Variants in ATAD2B observed in about 807,000 individuals in gnomAD.
ATAD2B encodes the protein ATPase family AAA domain-containing protein 2B.
Under a neutral mutation model 167.6 loss-of-function variants are expected in ATAD2B, and 40 were observed. The observed-to-expected ratio is 0.24, with a 90% CI of 0.19 to 0.31. The LOEUF (loss-of-function observed/expected upper bound fraction) is 0.31, where lower values mean the gene tolerates loss of function less well. Ranked by LOEUF, ATAD2B falls within the 10% of genes least tolerant of loss-of-function variation. ATAD2B has a pLI of 1.00. For synonymous variants in ATAD2B, 579 were observed against 596.5 expected (o/e 0.97, Z 0.43); for missense variants, 1,242 against 1,757.2 (o/e 0.71, Z 5.24).
intron 1 of ATAD2B, among the ~76,000 whole-genome samples, chr2:23,922,624 ATT>A (rs1410206550): frequency 6.6e-6 from 1 of 150,716 alleles, no homozygotes; most frequent in Non-Finnish European, 1.5e-5. Flanking sequence ...GGAAGAAAAC[ATT>A]TTTTAATGGG....
chr2:23,722,645 G>A, the ATAD2B span, among the ~76,000 whole-genome samples: 1 of 152,122 alleles, frequency 6.6e-6, no homozygotes, highest in Non-Finnish European at 1.5e-5. Flanking sequence ...GAAAAGTTGA[G>A]TAAAATGTAT....
chr2:23,687,228 G>A, the ATAD2B span, among the ~76,000 whole-genome samples: 31 of 151,888 alleles, frequency 2.0e-4, no homozygotes, highest in East Asian at 6.1e-3. Context: ...GACCTCCGTG[G>A]GGATCAACAT....
At position 23,895,988 on chromosome 2, in the gene ATAD2B, A is replaced by C; in HGVS notation, c.217-18T>G. The C allele has an allele frequency of 6.3e-7, 1 of 1,594,658 alleles. No homozygotes were observed. Among genetic ancestry groups the C allele is most frequent in the Non-Finnish European group, 8.6e-7 (1 of 1,165,642 alleles). On this transcript the variant is annotated intron_variant, in intron 1 of 27. Transcript: ENST00000238789. ...TCAACTTTCTGAAAGACAATGTTAA[A>C]AATGTATTTATTATTCCTATTAAGA... is the stretch of plus-strand genomic sequence containing the variant.
chr2:23,832,383 G>A (rs1689198259), intron 14 of ATAD2B: 2 of 309,054 alleles, frequency 6.5e-6, no homozygotes, highest in South Asian at 2.8e-5. Context: ...ATGTTAGAAA[G>A]GGAAAGTTAA....
At chr2:23,759,649 A>T (rs1006039177) in intron 24 of ATAD2B, among the ~76,000 whole-genome samples, 1 of 152,200 alleles carries the variant, frequency 6.6e-6, no homozygotes, top group Non-Finnish European at 1.5e-5. Context: ...TTGGCTCAAC[A>T]TGTATTTTTC....
At chr2:23,802,515 G>A (rs1683659114) in intron 18 of ATAD2B, among the ~76,000 whole-genome samples, 1 of 151,790 alleles carries the variant, frequency 6.6e-6, no homozygotes, top group Non-Finnish European at 1.5e-5. Flanking sequence ...ACACAAATTA[G>A]CATTTTATGA....
At chr2:23,832,247 CA>C (rs1689173673) in intron 14 of ATAD2B, 1 of 469,400 alleles carries the variant, frequency 2.1e-6, no homozygotes, top group African/African-American at 2.0e-5. Context: ...TTGGTAATCT[CA>C]TCTAGTCTCG....
At chr2:23,705,242 C>T in the ATAD2B span, among the ~76,000 whole-genome samples, 2 of 152,188 alleles carry the variant, frequency 1.3e-5, no homozygotes, top group Non-Finnish European at 2.9e-5. Context: ...CCTGTAATCC[C>T]AGCACTTTGG....
chr2:23,899,548 A>G (rs1700547685), intron 1 of ATAD2B, among the ~76,000 whole-genome samples: 1 of 152,160 alleles, frequency 6.6e-6, no homozygotes, highest in African/African-American at 2.4e-5. Context: ...GTCAGTCACC[A>G]TACTATACTC....
At position 23,926,624 on chromosome 2, in the gene ATAD2B, G is replaced by C. The variant is rs1384719250; in HGVS notation, c.147C>G (p.Arg49=). 1 of 1,563,986 alleles carries C rather than the reference G, an allele frequency of 6.4e-7. No homozygotes were observed. Among genetic ancestry groups the C allele is most frequent in the Admixed American group, 1.9e-5 (1 of 52,862 alleles). The part of the protein sequence containing the change: ...ISSRTRSSKT[R]AASCPAAKAG... ...CTTTGGCGGCGGGGCAGCTGGCGGCGCGGGTCTTGGAGGAGCGGGTCCGAG... is the reference window on the plus strand; with the variant it reads ...CTTTGGCGGCGGGGCAGCTGGCGGCCCGGGTCTTGGAGGAGCGGGTCCGAG... Residue 49 remains arginine (R), a synonymous_variant, in exon 1 of 28, where the codon CGC becomes CGG. Transcript: ENST00000238789.
At chr2:23,867,094 T>G (rs1460514357) in intron 10 of ATAD2B, among the ~76,000 whole-genome samples, 2 of 152,200 alleles carry the variant, frequency 1.3e-5, no homozygotes, top group African/African-American at 2.4e-5. Flanking sequence ...CAAACCTAAA[T>G]AACCCATTAC....
intron 19 of ATAD2B, among the ~76,000 whole-genome samples, chr2:23,796,595 T>A (rs1682666094): frequency 6.6e-6 from 1 of 152,186 alleles, no homozygotes; most frequent in Non-Finnish European, 1.5e-5. Flanking sequence ...ACTAGAACCC[T>A]CATGTATCCC....
chr2:23,866,413 A>G (rs1695141209), intron 10 of ATAD2B, among the ~76,000 whole-genome samples: 1 of 152,188 alleles, frequency 6.6e-6, no homozygotes, highest in Non-Finnish European at 1.5e-5. Flanking sequence ...CTCAAAAACA[A>G]AAAAAAGAGA....
At position 23,752,060 on chromosome 2, in the gene ATAD2B, C is replaced by A. The variant is rs867621619; in HGVS notation, c.4363G>T (p.Glu1455Ter). ...EEMERTVHMF[E>*]TFL ...TCTTGAAAAGTTCATAGGAATGTCT[C>A]AAACATATGAACTGTTCTTTCCATC... Residue 1455 changes from glutamate to a stop codon, truncating the protein, a stop_gained, in exon 28 of 28, where the codon GAG becomes TAG. Transcript: ENST00000238789. LOFTEE classifies it high-confidence loss of function. The A allele has an allele frequency of 6.4e-7, 1 of 1,563,252 alleles. No homozygotes were observed. The highest frequency in any genetic ancestry group is 1.2e-5 in the South Asian group (1 of 84,878).
chr2:23,843,920 C>T (rs936774839), intron 13 of ATAD2B, among the ~76,000 whole-genome samples: 1 of 152,064 alleles, frequency 6.6e-6, no homozygotes, highest in Non-Finnish European at 1.5e-5. Flanking sequence ...TACTCAAGAT[C>T]CGTATCACAA....
intron 1 of ATAD2B, among the ~76,000 whole-genome samples, chr2:23,921,167 C>CT (rs1703863098): frequency 8.8e-6 from 1 of 113,866 alleles, no homozygotes; most frequent in African/African-American, 3.4e-5. Flanking sequence ...GATTGTACCA[C>CT]TATACTCCAG....
intron 18 of ATAD2B, among the ~76,000 whole-genome samples, chr2:23,803,441 T>C (rs181508036): frequency 1.1e-4 from 16 of 152,318 alleles, no homozygotes; most frequent in Admixed American, 5.9e-4. Flanking sequence ...AGAATAGTAA[T>C]ATCTGAGATG....
the ATAD2B span, among the ~76,000 whole-genome samples, chr2:23,678,261 C>T: frequency 6.6e-6 from 1 of 152,224 alleles, no homozygotes; most frequent in African/African-American, 2.4e-5. Context: ...CCTCGTGCCA[C>T]TTGCCGCTGC....
At chr2:23,713,431 A>C in the ATAD2B span, among the ~76,000 whole-genome samples, 1 of 151,614 alleles carries the variant, frequency 6.6e-6, no homozygotes, top group Non-Finnish European at 1.5e-5. Context: ...AGCTTTATTG[A>C]CATATAATTC....
Sources: allele counts gnomAD v4.1 joint callset (sites outside exome capture counted in the v4.1 genomes callset), GRCh38; gene constraint gnomAD v4.1.1; transcripts MANE v1.5; gene names NCBI Gene and HGNC (gene_info 2026-07-23, HGNC 2026-07-21).